The following ANKFN1 variants were observed in gnomAD, a reference collection of about 807,000 sequenced individuals.
ANKFN1 encodes ankyrin repeat and fibronectin type III domain containing 1.
In ANKFN1, 74 loss-of-function variants were observed where a neutral mutation model predicts 108.7. The observed-to-expected ratio is 0.68, with a 90% CI of 0.56 to 0.83. ANKFN1 has a LOEUF of 0.83. Among genes scored for constraint, ANKFN1 ranks in the 40% least tolerant of loss-of-function variants. ANKFN1 has a pLI of 0.00. For missense variants in ANKFN1, 1,505 were observed against 1,382.3 expected, an observed-to-expected ratio of 1.09 and a Z score of -1.41; for synonymous variants, 547 against 516.2, an observed-to-expected ratio of 1.06 and a Z score of -0.81.
chr17:56,480,756 T>G lies in ANKFN1; in HGVS notation c.2029T>G (p.Phe677Val). 1 of 1,614,090 alleles carries G rather than the reference T, an allele frequency of 6.2e-7. No individual in the cohort carries two copies. Among genetic ancestry groups the G allele is most frequent in the Non-Finnish European group, 8.5e-7 (1 of 1,179,974 alleles). The change falls in exon 17 of 21, where the codon TTC becomes GTC. Residue 677 changes from phenylalanine to valine, a missense_variant. By Grantham distance (50) the Phe-to-Val change is conservative. Coordinates refer to ENST00000682825, the MANE Select transcript of ANKFN1 (RefSeq NM_001370326.1). Reference protein sequence around the residue: ...HTSDCPMQLFFYELQMAVKAL... With the variant: ...HTSDCPMQLFVYELQMAVKAL... ...TTCTGACTGCCCCATGCAATTGTTC[T>G]TCTACGAGCTCCAGATGGCAGTGAA...
intron 6 of ANKFN1, among the ~76,000 whole-genome samples, chr17:56,358,901 A>G (rs2046442353): frequency 6.6e-6 from 1 of 151,852 alleles, no homozygotes; most frequent in Non-Finnish European, 1.5e-5. Context: ...CCTTTTTCTG[A>G]CTAACTCGTA....
intron 3 of ANKFN1, among the ~76,000 whole-genome samples, chr17:56,279,901 C>T (rs746472264): frequency 1.4e-4 from 21 of 152,206 alleles, no homozygotes; most frequent in Non-Finnish European, 2.2e-4. Context: ...AAGTTTGCTG[C>T]ACACAAGAAT....
At chr17:56,190,353 G>A (rs1912777042) in intron 1 of ANKFN1, among the ~76,000 whole-genome samples, 1 of 120,204 alleles carries the variant, frequency 8.3e-6, no homozygotes, top group African/African-American at 3.3e-5. Flanking sequence ...GGCATTTAGT[G>A]CTATAAATTT....
chr17:56,395,731 C>T (rs967359613), intron 8 of ANKFN1, among the ~76,000 whole-genome samples: 1 of 152,122 alleles, frequency 6.6e-6, no homozygotes, highest in Admixed American at 6.5e-5. Flanking sequence ...TGCCTGTAAT[C>T]CCAGCTACTC....
rs1336621855 is a variant in ANKFN1 at position 56,383,454 on chromosome 17, G to A, written c.910+8740G>A. ...CAAGAGCAAACACATTCAAAAGCTA[G>A]CAGAAGGCAAGAAATAACTAAAATC... On this transcript the variant is annotated intron_variant, in intron 8 of 20. Coordinates refer to ENST00000682825, the MANE Select transcript of ANKFN1 (RefSeq NM_001370326.1). 2.6e-5 allele frequency among the ~76,000 whole-genome samples: 4 copies of A among 152,200 alleles called. No homozygotes were observed. The East Asian group carries it at 5.8e-4, about 22-fold the overall frequency.
At chr17:56,062,461 A>T (rs1187801395) in intron 4 of ANKFN1, among the ~76,000 whole-genome samples, 3 of 151,944 alleles carry the variant, frequency 2.0e-5, no homozygotes, top group Non-Finnish European at 4.4e-5. Context: ...CTTCTTGTTG[A>T]ATTGTTCCCT....
chr17:56,117,286 G>A (rs1304953212), intron 4 of ANKFN1, among the ~76,000 whole-genome samples: 1 of 152,190 alleles, frequency 6.6e-6, no homozygotes, highest in Non-Finnish European at 1.5e-5. Context: ...AAGGAATGAA[G>A]TATTGACTTT....
Position 56,492,182 on chromosome 17 carries a change from T to C in ANKFN1, c.2261-5T>C. ...CATGTTTTATTTTGCTTGTCCATTTTCCAGTTCATTTTTGCAGCTACAGAG... is the reference window on the plus strand; with the variant it reads ...CATGTTTTATTTTGCTTGTCCATTTCCCAGTTCATTTTTGCAGCTACAGAG... On this transcript the variant is annotated splice_polypyrimidine_tract_variant and splice_region_variant and intron_variant, in intron 18 of 20. Coordinates refer to ENST00000682825, the MANE Select transcript of ANKFN1 (RefSeq NM_001370326.1). 1 of 696,268 alleles carries C rather than the reference T, an allele frequency of 1.4e-6. No individual in the cohort carries two copies. Among genetic ancestry groups the C allele is most frequent in the Non-Finnish European group, 2.6e-6 (1 of 379,370 alleles). 43.1% of individuals were successfully genotyped at this position (696,268 alleles called of 1,614,324 possible). A position where few individuals can be genotyped will look rare whatever the true frequency, so the allele number is the denominator to read the frequency against.
At chr17:56,416,712 C>G (rs1421591547) in intron 8 of ANKFN1, among the ~76,000 whole-genome samples, 1 of 152,192 alleles carries the variant, frequency 6.6e-6, no homozygotes, top group Non-Finnish European at 1.5e-5. Flanking sequence ...TAGATATATA[C>G]ACAAAAGAAA....
In ANKFN1 at chr17:56,055,566, C is replaced by CATATATATATATATATATATATATATAT. The variant is rs1355346286; in HGVS notation, c.288+9263_288+9264insATATATATATATATATATATATATATAT. Among the ~76,000 whole-genome samples, 14 of 47,454 alleles carry CATATATATATATATATATATATATATAT rather than the reference C, an allele frequency of 3.0e-4. 1 individual carries two copies. Among genetic ancestry groups the CATATATATATATATATATATATATATAT allele is most frequent in the Non-Finnish European group, 3.5e-4 (10 of 28,256 alleles). The allele number at this position is 47,454 out of a possible 152,430, so 31.1% of individuals were successfully genotyped here. On this transcript the variant is annotated intron_variant, in intron 4 of 12. Transcript: ENST00000635860. ...TATATGTGTGTGTGTGGTATATATA[C>CATATATATATATATATATATATATATAT]ATATATATATATATATATATATGTA...
chr17:56,308,584 A>G (rs771310350), intron 3 of ANKFN1, among the ~76,000 whole-genome samples: 4 of 152,068 alleles, frequency 2.6e-5, no homozygotes, highest in Non-Finnish European at 4.4e-5. Context: ...GCTTACTATT[A>G]CTGACTAGAA....
At chr17:56,450,670 A>G (rs2049451584) in intron 11 of ANKFN1, among the ~76,000 whole-genome samples, 1 of 152,140 alleles carries the variant, frequency 6.6e-6, no homozygotes, top group South Asian at 2.1e-4. Flanking sequence ...CTGCCTTTCC[A>G]TCACATCCCT....
intron 18 of ANKFN1, among the ~76,000 whole-genome samples, chr17:56,488,057 G>A (rs184274820): frequency 2.8e-4 from 43 of 152,292 alleles, no homozygotes; most frequent in Middle Eastern, 3.4e-3. Context: ...ACTTTATCCC[G>A]TAGGCAATAG....
chr17:56,167,298 C>CAT lies in ANKFN1; in HGVS notation c.-71+13774_-71+13775dup, dbSNP rs1188998911. Among the ~76,000 whole-genome samples, 6 of 94,716 alleles carry CAT rather than the reference C, an allele frequency of 6.3e-5. No individual in the cohort carries two copies. In the South Asian group the frequency reaches 1.7e-3, roughly 27 times the overall value. The allele number at this position is 94,716 out of a possible 152,430, so 62.1% of individuals were successfully genotyped here. Reference sequence around the variant, plus strand: ...ACATATATATATATACACACACATACATATATACACACACACACACATATA... The same window carrying CAT: ...ACATATATATATATACACACACATACATATATATACACACACACACACATATA... On this transcript the variant is annotated intron_variant, in intron 1 of 20. Transcript: ENST00000682825.
At position 56,514,672 on chromosome 17, in the gene ANKFN1, T is replaced by C. The variant is rs2051863903; in HGVS notation, c.*3403T>C. ...CATTCACTAATGCTCGAAGCAATAATTACACTGGAGAAATTGTTTCATTTG... is the reference window on the plus strand; with the variant it reads ...CATTCACTAATGCTCGAAGCAATAACTACACTGGAGAAATTGTTTCATTTG... On this transcript the variant is annotated 3_prime_UTR_variant, in exon 21 of 21. Coordinates refer to ENST00000682825, the MANE Select transcript of ANKFN1 (RefSeq NM_001370326.1). Among the ~76,000 whole-genome samples, 1 of 152,154 alleles carries C rather than the reference T, an allele frequency of 6.6e-6. No individual in the cohort carries two copies. The highest frequency in any genetic ancestry group is 2.4e-5 in the African/African-American group (1 of 41,430).
rs181858985 is a variant in ANKFN1, at chr17:56,176,114, G to T, written c.-71+22584G>T. 2.6e-3 allele frequency among the ~76,000 whole-genome samples: 398 copies of T among 152,234 alleles called. 2 individuals carry two copies. Among genetic ancestry groups the T allele is most frequent in the African/African-American group, 8.9e-3 (371 of 41,556 alleles). On this transcript the variant is annotated intron_variant, in intron 1 of 20. Transcript: ENST00000682825. Reference sequence around the variant, plus strand: ...CACCCTGCTGTGAGTCCACTGGGGGGCTCCAGCCAGCTTGGCACCAACTTA... The same window carrying T: ...CACCCTGCTGTGAGTCCACTGGGGGTCTCCAGCCAGCTTGGCACCAACTTA...
intron 8 of ANKFN1, among the ~76,000 whole-genome samples, chr17:56,414,809 A>G (rs2048192809): frequency 6.6e-6 from 1 of 152,146 alleles, no homozygotes; most frequent in Non-Finnish European, 1.5e-5. Flanking sequence ...GCTTAAGTCC[A>G]GGAGTTTGAG....
chr17:56,147,603 C>G (rs980095393), intron 4 of ANKFN1, among the ~76,000 whole-genome samples: 2 of 151,796 alleles, frequency 1.3e-5, no homozygotes, highest in Non-Finnish European at 2.9e-5. Context: ...GAGAACCGCC[C>G]CCATGATTCA....
intron 4 of ANKFN1, among the ~76,000 whole-genome samples, chr17:56,074,382 A>T (rs1056683718): frequency 1.3e-5 from 2 of 152,118 alleles, no homozygotes; most frequent in African/African-American, 2.4e-5. Flanking sequence ...ATGGAGCGAG[A>T]CCCCTCTGAC....
Sources: allele counts gnomAD v4.1 joint callset (sites outside exome capture counted in the v4.1 genomes callset), GRCh38; gene constraint gnomAD v4.1.1; transcripts MANE v1.5; gene names NCBI Gene and HGNC (gene_info 2026-07-23, HGNC 2026-07-21).